The following PID1 variants were observed in gnomAD, a reference collection of about 807,000 sequenced individuals.
PID1 encodes phosphotyrosine interaction domain containing 1, also known as PTB-containing, cubilin and LRP1-interacting protein.
A neutral mutation model predicts 19.1 loss-of-function variants in PID1; 10 were observed. The observed-to-expected ratio is 0.52, with a 90% CI of 0.32 to 0.89. The LOEUF (loss-of-function observed/expected upper bound fraction) is 0.89. PID1 is among the 40% of genes least tolerant of loss of function. PID1 has a pLI of 0.03. For synonymous variants in PID1, 130 were observed against 116.0 expected (o/e 1.12, Z -0.78); for missense variants, 248 against 285.3 (o/e 0.87, Z 0.94).
chr2:229,035,506 A>ATGTG (rs3083806), intron 2 of PID1, among the ~76,000 whole-genome samples: 2,358 of 148,238 alleles, frequency 0.016, 37 homozygotes, highest in Non-Finnish European at 0.026. Context: ...AATCATTTAT[A>ATGTG]TGTGTGTGTG....
In PID1 at chr2:229,218,516, T is replaced by C. The variant is rs151309639; in HGVS notation, c.30+52498A>G. ...TTGCCAGCAACAGCACAAGGCAGGATAGAGGCCAAAACCAGGGTCAGCAAT... is the reference window on the plus strand; with the variant it reads ...TTGCCAGCAACAGCACAAGGCAGGACAGAGGCCAAAACCAGGGTCAGCAAT... On this transcript the variant is annotated intron_variant, in intron 1 of 2. Transcript: ENST00000392055. Among the ~76,000 whole-genome samples the C allele has an allele frequency of 8.4e-3, 1,282 of 152,076 alleles. 14 individuals are homozygous for C. The highest frequency in any genetic ancestry group is 0.024 in the Middle Eastern group (7 of 294).
At chr2:229,150,126 C>G (rs187789255) in intron 2 of PID1, among the ~76,000 whole-genome samples, 44 of 151,212 alleles carry the variant, frequency 2.9e-4, no homozygotes, top group African/African-American at 9.2e-4. Context: ...TTAAGCTACT[C>G]AGGAGGCTGA....
chr2:229,107,475 G>A, intron 2 of PID1, among the ~76,000 whole-genome samples: 1 of 144,542 alleles, frequency 6.9e-6, no homozygotes, highest in Admixed American at 7.2e-5. Flanking sequence ...ACAGTGAGAT[G>A]TGTCTCCTTT....
chr2:229,241,190 G>A (rs1689857581), intron 1 of PID1, among the ~76,000 whole-genome samples: 1 of 151,910 alleles, frequency 6.6e-6, no homozygotes, highest in Admixed American at 6.6e-5. Flanking sequence ...TCTTCTTAGG[G>A]TCTATTTTTA....
At chr2:229,040,766 T>G (rs1299216937) in intron 2 of PID1, among the ~76,000 whole-genome samples, 1 of 152,242 alleles carries the variant, frequency 6.6e-6, no homozygotes, top group East Asian at 1.9e-4. Flanking sequence ...AGAAAAACTA[T>G]AAACCATCAT....
chr2:229,239,675 T>A (rs1205771402), intron 1 of PID1, among the ~76,000 whole-genome samples: 1 of 152,174 alleles, frequency 6.6e-6, no homozygotes, highest in Non-Finnish European at 1.5e-5. Flanking sequence ...AAGGTCATGT[T>A]CAGAGCAGCG....
At chr2:229,257,782 T>C (rs1164624141) in intron 1 of PID1, among the ~76,000 whole-genome samples, 1 of 152,248 alleles carries the variant, frequency 6.6e-6, no homozygotes, top group Non-Finnish European at 1.5e-5. Context: ...TCATTAGCTT[T>C]TTACTGAGGG....
Position 229,025,530 on chromosome 2 carries a change from AG to A in PID1, c.*101del. ...AATTTAAAAACCTTGGTCAGCCAAT[AG>A]TTTGGCAGTCTTTTCATCCCAAATT... On this transcript the variant is annotated 3_prime_UTR_variant, in exon 3 of 3. Coordinates refer to ENST00000392055, the MANE Select transcript of PID1 (RefSeq NM_001100818.2). The A allele has an allele frequency of 1.2e-6, 1 of 819,232 alleles. No individual in the cohort carries two copies. The highest frequency in any genetic ancestry group is 2.3e-5 in the Admixed American group (1 of 44,146). The allele number at this position is 819,232 out of a possible 1,614,324, so 50.7% of individuals were successfully genotyped here. A position where few individuals can be genotyped will look rare whatever the true frequency, so the allele number is the denominator to read the frequency against.
At chr2:229,197,219 A>G (rs931928188) in intron 1 of PID1, among the ~76,000 whole-genome samples, 5 of 152,110 alleles carry the variant, frequency 3.3e-5, no homozygotes, top group Non-Finnish European at 5.9e-5. Context: ...GAATTATATA[A>G]GTAATAGTGG....
In PID1 at chr2:229,221,994, C is replaced by T. The variant is rs906829685; in HGVS notation, c.30+49020G>A. Reference sequence around the variant, plus strand: ...CCATTACTAGTTGAGGTTCTCACTTCCTGCCTAGACCATTACAAAGTCCTC... The same window carrying T: ...CCATTACTAGTTGAGGTTCTCACTTTCTGCCTAGACCATTACAAAGTCCTC... On this transcript the variant is annotated intron_variant, in intron 1 of 2. Transcript: ENST00000392055. 2.6e-5 allele frequency among the ~76,000 whole-genome samples: 4 copies of T among 152,238 alleles called. No individual in the cohort carries two copies. The South Asian group carries it at 8.3e-4, about 31-fold the overall frequency.
At chr2:229,249,210 C>T (rs1690081409) in intron 1 of PID1, among the ~76,000 whole-genome samples, 1 of 152,062 alleles carries the variant, frequency 6.6e-6, no homozygotes, top group Non-Finnish European at 1.5e-5. Flanking sequence ...TGTATAATAT[C>T]TTTATTTAAA....
intron 1 of PID1, among the ~76,000 whole-genome samples, chr2:229,166,223 T>C (rs1408639125): frequency 1.3e-5 from 2 of 152,158 alleles, no homozygotes; most frequent in African/African-American, 2.4e-5. Flanking sequence ...GAGAACATAC[T>C]GTATGATTCC....
In PID1 at chr2:229,232,179, T is replaced by C. The variant is rs1035898791; in HGVS notation, c.30+38835A>G. The C allele has an allele frequency of 7.3e-6, 10 of 1,363,548 alleles. No individual in the cohort carries two copies. In the African/African-American group the frequency reaches 1.5e-4, roughly 20 times the overall value. The allele number at this position is 1,363,548 out of a possible 1,614,324, so 84.5% of individuals were successfully genotyped here. A position where few individuals can be genotyped will look rare whatever the true frequency, so the allele number is the denominator to read the frequency against. ...TGGCTCACGCCTGTAATCCCAGCAC[T>C]CTGGGAGGCCGAGACAGTCAGATCA... On this transcript the variant is annotated intron_variant, in intron 1 of 2. Coordinates refer to ENST00000392055, the MANE Select transcript of PID1 (RefSeq NM_001100818.2).
intron 2 of PID1, among the ~76,000 whole-genome samples, chr2:229,057,066 C>T (rs555581306): frequency 4.6e-5 from 7 of 152,160 alleles, no homozygotes; most frequent in East Asian, 1.9e-4. Context: ...GACCTCAAGA[C>T]GTGTTGAATA....
intron 2 of PID1, among the ~76,000 whole-genome samples, chr2:229,140,686 A>T (rs1689992877): frequency 1.3e-5 from 2 of 152,178 alleles, no homozygotes; most frequent in African/African-American, 2.4e-5. Flanking sequence ...CCTGGCCTAC[A>T]CTAAGAGAAA....
At chr2:229,156,387 C>T (rs1163769908) in intron 1 of PID1, among the ~76,000 whole-genome samples, 2 of 152,214 alleles carry the variant, frequency 1.3e-5, no homozygotes, top group African/African-American at 4.8e-5. Flanking sequence ...GTACACAAGA[C>T]TTCTGTTCTC....
At chr2:229,079,387 T>G (rs1256153724) in intron 2 of PID1, among the ~76,000 whole-genome samples, 2 of 152,260 alleles carry the variant, frequency 1.3e-5, no homozygotes, top group Non-Finnish European at 2.9e-5. Context: ...AAAAATAACA[T>G]ATCTATTGAA....
intron 1 of PID1, among the ~76,000 whole-genome samples, chr2:229,258,734 C>T (rs964601342): frequency 6.6e-5 from 10 of 151,786 alleles, no homozygotes; most frequent in African/African-American, 1.2e-4. Context: ...TAGTGGCGGG[C>T]GCCTGTAGTC....
intron 2 of PID1, among the ~76,000 whole-genome samples, chr2:229,045,549 G>C (rs1326314): frequency 6.6e-6 from 1 of 151,322 alleles, no homozygotes; most frequent in Non-Finnish European, 1.5e-5. Flanking sequence ...TCAGGGCTCT[G>C]CTATCACAGG....
Sources: allele counts gnomAD v4.1 joint callset (sites outside exome capture counted in the v4.1 genomes callset), GRCh38; gene constraint gnomAD v4.1.1; transcripts MANE v1.5; gene names NCBI Gene and HGNC (gene_info 2026-07-23, HGNC 2026-07-21).